The following CBFB variants were observed in gnomAD, a reference collection of about 807,000 sequenced individuals.
CBFB encodes the protein core-binding factor subunit beta, also known as CBF-beta.
Under a neutral mutation model 30.4 loss-of-function variants are expected in CBFB, and 9 were observed. That is an observed-to-expected ratio of 0.30 (90% CI 0.18 to 0.52). The LOEUF is 0.52. CBFB is among the 20% of genes least tolerant of loss of function. The pLI, the probability that CBFB is intolerant of heterozygous loss-of-function variation, is 0.97. For synonymous variants in CBFB, 94 were observed against 84.0 expected (o/e 1.12, Z -0.65); for missense variants, 170 against 244.0 (o/e 0.70, Z 2.02).
chr16:67,093,851 G>A (rs1358571456), intron 5 of CBFB, among the ~76,000 whole-genome samples: 1 of 152,184 alleles, frequency 6.6e-6, no homozygotes, highest in Non-Finnish European at 1.5e-5. Flanking sequence ...TTGCCATCAT[G>A]TAGTATAGTT....
intron 5 of CBFB, among the ~76,000 whole-genome samples, chr16:67,091,004 C>T (rs908025374): frequency 6.6e-6 from 1 of 152,166 alleles, no homozygotes; most frequent in Non-Finnish European, 1.5e-5. Context: ...TACCAATATT[C>T]TTTCTTGTGT....
At chr16:67,050,481 T>A (rs901668299) in intron 3 of CBFB, among the ~76,000 whole-genome samples, 2 of 151,904 alleles carry the variant, frequency 1.3e-5, no homozygotes, top group Non-Finnish European at 2.9e-5. Context: ...AGTAAGAGAT[T>A]AACAACCTTA....
intron 3 of CBFB, among the ~76,000 whole-genome samples, chr16:67,050,766 C>G (rs936897444): frequency 6.6e-6 from 1 of 152,032 alleles, no homozygotes; most frequent in African/African-American, 2.4e-5. Context: ...ACACTCTAGC[C>G]TGGGCAATAG....
intron 3 of CBFB, among the ~76,000 whole-genome samples, chr16:67,042,820 C>G (rs1966554467): frequency 6.6e-6 from 1 of 152,190 alleles, no homozygotes; most frequent in African/African-American, 2.4e-5. Context: ...TCTACAACCT[C>G]TGCCTGCCGG....
rs112469458 is a variant in CBFB, at chr16:67,051,912, TACACACACACACACAC to T, written c.283-14753_283-14738del. Among the ~76,000 whole-genome samples, 6 of 143,940 alleles carry T rather than the reference TACACACACACACACAC, an allele frequency of 4.2e-5. No homozygotes were observed. The South Asian group carries it at 8.8e-4, about 21-fold the overall frequency. The allele number at this position is 143,940 out of a possible 152,430, so 94.4% of individuals were successfully genotyped here. On this transcript the variant is annotated intron_variant, in intron 3 of 5. Transcript: ENST00000412916. ...TTACAGGCATATATATATATGTGTA[TACACACACACACACAC>T]ACACACACACACACACGCATACATA...
At chr16:67,064,937 A>G (rs1597143427) in intron 3 of CBFB, among the ~76,000 whole-genome samples, 1 of 152,078 alleles carries the variant, frequency 6.6e-6, no homozygotes, top group African/African-American at 2.4e-5. Context: ...TCACTCTGTC[A>G]CCCAGGCTGG....
chr16:67,051,033 A>T (rs1966729808), intron 3 of CBFB, among the ~76,000 whole-genome samples: 1 of 152,202 alleles, frequency 6.6e-6, no homozygotes, highest in African/African-American at 2.4e-5. Flanking sequence ...AATTTTTCAT[A>T]TAATATTTTT....
chr16:67,056,640 T>A (rs1960732367), intron 3 of CBFB, among the ~76,000 whole-genome samples: 1 of 152,152 alleles, frequency 6.6e-6, no homozygotes, highest in Non-Finnish European at 1.5e-5. Flanking sequence ...GGATGCTTGT[T>A]TTTGGTGGTC....
chr16:67,043,889 A>G (rs904286957), intron 3 of CBFB, among the ~76,000 whole-genome samples: 35 of 152,220 alleles, frequency 2.3e-4, no homozygotes. Context: ...ATGTTGGAAC[A>G]CTACATCTTT....
intron 4 of CBFB, among the ~76,000 whole-genome samples, chr16:67,068,095 T>C (rs1390239081): frequency 6.6e-6 from 1 of 152,212 alleles, no homozygotes; most frequent in African/African-American, 2.4e-5. Flanking sequence ...GGAAGTCTGC[T>C]GACTCAAGAT....
intron 5 of CBFB, among the ~76,000 whole-genome samples, chr16:67,086,410 A>G (rs1187472718): frequency 1.3e-5 from 2 of 152,310 alleles, no homozygotes; most frequent in South Asian, 2.1e-4. Flanking sequence ...TATTTCTACT[A>G]GTGTTCTTAT....
intron 3 of CBFB, among the ~76,000 whole-genome samples, chr16:67,051,390 A>G (rs1423263417): frequency 6.6e-6 from 1 of 152,156 alleles, no homozygotes; most frequent in African/African-American, 2.4e-5. Flanking sequence ...TAATGTATTT[A>G]TATGGATCCA....
chr16:67,043,279 C>T (rs920787635), intron 3 of CBFB, among the ~76,000 whole-genome samples: 5 of 152,108 alleles, frequency 3.3e-5, no homozygotes, highest in African/African-American at 1.2e-4. Flanking sequence ...AATTAGAATC[C>T]TAATAGAGCG....
At chr16:67,052,050 C>G (rs1035424127) in intron 3 of CBFB, among the ~76,000 whole-genome samples, 5 of 151,938 alleles carry the variant, frequency 3.3e-5, no homozygotes, top group Non-Finnish European at 7.4e-5. Flanking sequence ...TCTCTGCAAC[C>G]TCTGTCTCCC....
intron 3 of CBFB, among the ~76,000 whole-genome samples, chr16:67,042,492 T>A (rs556106179): frequency 6.6e-6 from 1 of 152,272 alleles, no homozygotes; most frequent in Non-Finnish European, 1.5e-5. Flanking sequence ...GCTACCACAG[T>A]CAAGATATAT....
In CBFB at chr16:67,088,970, T is replaced by C. The variant is rs140935624; in HGVS notation, c.495+6662T>C. Among the ~76,000 whole-genome samples the C allele has an allele frequency of 3.3e-5, 5 of 152,352 alleles. No individual in the cohort carries two copies. In the East Asian group the frequency reaches 7.7e-4, roughly 23 times the overall value. ...GTGTCTTTTAACCTGAAACTAGTTA[T>C]AAAATTCCTTGAGCATTCTTCCATT... On this transcript the variant is annotated intron_variant, in intron 5 of 5. Coordinates refer to ENST00000412916, the MANE Select transcript of CBFB (RefSeq NM_022845.3).
rs775970614 is a variant in CBFB, at chr16:67,100,289, CTG to C, written c.*1513_*1514del. 9 of 221,504 alleles carry C rather than the reference CTG, an allele frequency of 4.1e-5. 1 individual carries two copies. The highest frequency in any genetic ancestry group is 2.0e-4 in the East Asian group (3 of 14,970). 13.7% of individuals were successfully genotyped at this position (221,504 alleles called of 1,614,324 possible). A position where few individuals can be genotyped will look rare whatever the true frequency, so the allele number is the denominator to read the frequency against. On this transcript the variant is annotated 3_prime_UTR_variant, in exon 6 of 6. Coordinates refer to ENST00000412916, the MANE Select transcript of CBFB (RefSeq NM_022845.3). ...GTCATTGCATTTAAAAAGCATATAA[CTG>C]TACTTGACTGATGAGGGAGGTGTTA... is the stretch of plus-strand genomic sequence containing the variant.
intron 3 of CBFB, among the ~76,000 whole-genome samples, chr16:67,050,161 A>G (rs1354513318): frequency 1.3e-5 from 2 of 148,198 alleles, no homozygotes; most frequent in Admixed American, 6.8e-5. Context: ...TATATCATAA[A>G]TATATCATAT....
At chr16:67,047,860 G>A (rs11864875) in intron 3 of CBFB, among the ~76,000 whole-genome samples, 1 of 152,036 alleles carries the variant, frequency 6.6e-6, no homozygotes, top group Admixed American at 6.6e-5. Flanking sequence ...CCTGGGGTTA[G>A]GAGTTCAAGA....
Sources: allele counts gnomAD v4.1 joint callset (sites outside exome capture counted in the v4.1 genomes callset), GRCh38; gene constraint gnomAD v4.1.1; transcripts MANE v1.5; gene names NCBI Gene and HGNC (gene_info 2026-07-23, HGNC 2026-07-21).